Variants in DLGAP2 observed in about 807,000 individuals in gnomAD.
DLGAP2 encodes DLG associated protein 2.
Under a neutral mutation model 100.3 loss-of-function variants are expected in DLGAP2, and 26 were observed. That is an observed-to-expected ratio of 0.26 (90% CI 0.19 to 0.36). The LOEUF is 0.36. DLGAP2 is among the 10% of genes least tolerant of loss of function. DLGAP2 has a pLI of 1.00. For synonymous variants in DLGAP2, 886 were observed against 630.1 expected (o/e 1.41, Z -6.08); for missense variants, 1,858 against 1,453.2 (o/e 1.28, Z -4.53).
At chr8:965,719 G>A (rs563313005) in intron 2 of DLGAP2, among the ~76,000 whole-genome samples, 44 of 104,756 alleles carry the variant, frequency 4.2e-4, no homozygotes, top group Middle Eastern at 0.01. Flanking sequence ...CAACCCCCGC[G>A]TGCACACGGC....
In DLGAP2 at chr8:866,691, C is replaced by T. The variant is rs532547841; in HGVS notation, c.19-41221C>T. 1.3e-4 allele frequency among the ~76,000 whole-genome samples: 20 copies of T among 152,216 alleles called. 1 individual carries two copies. The highest frequency in any genetic ancestry group is 3.4e-3 in the Middle Eastern group (1 of 294). On this transcript the variant is annotated intron_variant, in intron 1 of 14. Coordinates refer to ENST00000637795, the MANE Select transcript of DLGAP2 (RefSeq NM_001346810.2). ...GGAGCTGTGCAGCTTCTGGCCACCACGCCAGGGCCTTCTAAATACTTTCCC... is the reference window on the plus strand; with the variant it reads ...GGAGCTGTGCAGCTTCTGGCCACCATGCCAGGGCCTTCTAAATACTTTCCC...
intron 1 of DLGAP2, among the ~76,000 whole-genome samples, chr8:797,434 A>C (rs1230066583): frequency 6.6e-6 from 1 of 152,120 alleles, no homozygotes; most frequent in Non-Finnish European, 1.5e-5. Context: ...AATGTGCCAC[A>C]TTTCGCCTTT....
intron 2 of DLGAP2, among the ~76,000 whole-genome samples, chr8:1,039,462 G>C (rs1445358479): frequency 6.9e-6 from 1 of 145,094 alleles, no homozygotes; most frequent in African/African-American, 2.6e-5. Flanking sequence ...GGCTCGGTAT[G>C]CATGTTCAGC....
chr8:1,228,457 G>A (rs4549802), intron 2 of DLGAP2, among the ~76,000 whole-genome samples: 89,108 of 151,958 alleles, frequency 0.59, 27,729 homozygotes, highest in African/African-American at 0.78. Flanking sequence ...AACTCATTCT[G>A]TGAAGCCGAT....
chr8:1,354,351 C>A (rs185508110), intron 3 of DLGAP2, among the ~76,000 whole-genome samples: 4 of 152,026 alleles, frequency 2.6e-5, no homozygotes, highest in African/African-American at 9.6e-5. Flanking sequence ...TCTAAAAATA[C>A]AAAAAATACA....
chr8:1,057,189 G>A (rs1802907324), intron 2 of DLGAP2, among the ~76,000 whole-genome samples: 1 of 152,206 alleles, frequency 6.6e-6, no homozygotes, highest in Non-Finnish European at 1.5e-5. Flanking sequence ...CAGTTCCCTT[G>A]AGATATGCAT....
intron 3 of DLGAP2, among the ~76,000 whole-genome samples, chr8:1,424,230 A>G (rs544140581): frequency 3.9e-5 from 6 of 152,344 alleles, no homozygotes; most frequent in African/African-American, 1.4e-4. Flanking sequence ...ATGGTTTGGC[A>G]TACGTAAGAA....
intron 3 of DLGAP2, among the ~76,000 whole-genome samples, chr8:1,468,940 C>T (rs1434238793): frequency 6.6e-6 from 1 of 152,194 alleles, no homozygotes; most frequent in Non-Finnish European, 1.5e-5. Flanking sequence ...AGAAAGACAT[C>T]GTCCTGGTAT....
intron 3 of DLGAP2, among the ~76,000 whole-genome samples, chr8:1,274,444 A>G (rs28635835): frequency 0.01 from 821 of 80,384 alleles, 107 homozygotes; most frequent in African/African-American, 0.017. Flanking sequence ...AACATAAACC[A>G]TAAAATGAGT....
intron 2 of DLGAP2, among the ~76,000 whole-genome samples, chr8:1,076,988 C>T (rs567633696): frequency 2.0e-5 from 3 of 148,094 alleles, no homozygotes; most frequent in South Asian, 4.5e-4. Context: ...GTCCCGGGCC[C>T]CCCCAAGACC....
intron 2 of DLGAP2, among the ~76,000 whole-genome samples, chr8:913,450 T>G (rs1798529405): frequency 6.6e-6 from 1 of 152,238 alleles, no homozygotes; most frequent in African/African-American, 2.4e-5. Context: ...CTGCTGGCAG[T>G]GAGAGTTTGG....
intron 2 of DLGAP2, among the ~76,000 whole-genome samples, chr8:1,205,004 G>A (rs1797959378): frequency 6.6e-6 from 1 of 152,108 alleles, no homozygotes. Context: ...CCAGTCAGTT[G>A]TCTGTTAAAC....
At chr8:747,084 C>A (rs1156315322) in intron 1 of DLGAP2, among the ~76,000 whole-genome samples, 3 of 151,888 alleles carry the variant, frequency 2.0e-5, no homozygotes, top group African/African-American at 7.3e-5. Flanking sequence ...CCTGAGCTGT[C>A]CTGGTTCTCG....
intron 8 of DLGAP2, among the ~76,000 whole-genome samples, chr8:1,654,384 G>A (rs186187300): frequency 1.6e-4 from 25 of 152,106 alleles, no homozygotes; most frequent in Non-Finnish European, 2.1e-4. Flanking sequence ...GAACATGGCC[G>A]GGCATGGTGG....
At chr8:1,354,190 G>A (rs576480418) in intron 3 of DLGAP2, among the ~76,000 whole-genome samples, 6 of 152,226 alleles carry the variant, frequency 3.9e-5, no homozygotes, top group Admixed American at 3.9e-4. Context: ...CTCACCAGTG[G>A]GATGTAATTT....
intron 5 of DLGAP2, among the ~76,000 whole-genome samples, chr8:1,564,500 CA>C (rs1802315464): frequency 6.6e-6 from 1 of 152,150 alleles, no homozygotes; most frequent in South Asian, 2.1e-4. Flanking sequence ...ATACACAGCA[CA>C]GGGGGGTTAT....
intron 3 of DLGAP2, among the ~76,000 whole-genome samples, chr8:1,261,892 C>T (rs138045719): frequency 9.2e-5 from 14 of 152,294 alleles, no homozygotes; most frequent in Non-Finnish European, 1.6e-4. Flanking sequence ...TGTCATGGCA[C>T]AGAAATGACC....
chr8:1,518,092 TCAGA>T (rs1347069280), intron 4 of DLGAP2, among the ~76,000 whole-genome samples: 13 of 152,242 alleles, frequency 8.5e-5, no homozygotes, highest in African/African-American at 2.9e-4. Flanking sequence ...CTGGTGCATC[TCAGA>T]CAGCCCTTAT....
chr8:1,296,335 TAAAG>T, intron 3 of DLGAP2: 1 of 152,188 alleles, frequency 6.6e-6, no homozygotes, highest in Non-Finnish European at 1.5e-5. Context: ...CCGAGTGCCT[TAAAG>T]AGACTTTCAG....
Sources: allele counts gnomAD v4.1 joint callset (sites outside exome capture counted in the v4.1 genomes callset), GRCh38; gene constraint gnomAD v4.1.1; transcripts MANE v1.5; gene names NCBI Gene and HGNC (gene_info 2026-07-23, HGNC 2026-07-21).